KLHL4: variants seen among roughly 807,000 people sequenced by gnomAD.
KLHL4 encodes kelch like family member 4.
KLHL4 carries 17 observed loss-of-function variants against 45.8 expected under a neutral mutation model. The observed-to-expected ratio is 0.37, with a 90% CI of 0.25 to 0.56. The LOEUF (loss-of-function observed/expected upper bound fraction) is 0.56. KLHL4 is among the 20% of genes least tolerant of loss of function. The pLI is 0.79. For synonymous variants in KLHL4, 224 were observed against 189.9 expected (o/e 1.18, Z -1.47); for missense variants, 544 against 544.9 (o/e 1.00, Z 0.02).
chrX:87,625,707 G>C lies in KLHL4; in HGVS notation c.1235G>C (p.Arg412Thr), dbSNP rs1475762486. 8.3e-7 allele frequency: 1 copy of C among 1,209,396 alleles called. No homozygotes were observed. The highest frequency in any genetic ancestry group is 1.1e-6 in the Non-Finnish European group (1 of 893,799). The change falls in exon 6 of 11, where the codon AGA (arginine) becomes ACA (threonine). Residue 412 changes from arginine (R) to threonine (T), a missense_variant. Physicochemically the swap from Arg to Thr is moderately conservative, Grantham distance 71. Transcript: ENST00000373119. The stretch of plus-strand genomic sequence containing the variant: ...ATGAAGTATCATCTTTTGCCTGAGA[G>C]AAGATCCATGATGCAAAGCCCTCGG... ...EAMKYHLLPE[R>T]RSMMQSPRTK... is the part of the protein sequence containing the mutation.
At chrX:87,659,793 G>GA (rs1438518533) in intron 9 of KLHL4, among the ~76,000 whole-genome samples, 2 of 110,589 alleles carry the variant, frequency 1.8e-5, no homozygotes, top group East Asian at 5.7e-4. Context: ...CTGGGTTTTT[G>GA]AAAAAACATA....
chrX:87,596,606 AT>A (rs1921846606), intron 1 of KLHL4, among the ~76,000 whole-genome samples: 1 of 112,213 alleles, frequency 8.9e-6, no homozygotes, highest in Non-Finnish European at 1.9e-5. Context: ...TAGGAATTAA[AT>A]TGTACAAGAG....
chrX:87,530,241 T>C (rs895951502), intron 1 of KLHL4, among the ~76,000 whole-genome samples: 2 of 110,539 alleles, frequency 1.8e-5, no homozygotes, highest in African/African-American at 6.6e-5. Context: ...TCTTCTAGGG[T>C]TTTTATGGTT....
chrX:87,668,460 C>CG lies in KLHL4; in HGVS notation c.*1930dup. 1.3e-6 allele frequency: 1 copy of CG among 753,011 alleles called. No homozygotes were observed. The highest frequency in any genetic ancestry group is 1.6e-6 in the Non-Finnish European group (1 of 638,207). The allele number at this position is 753,011 out of a possible 1,213,427, so 62.1% of individuals were successfully genotyped here. A position where few individuals can be genotyped will look rare whatever the true frequency, so the allele number is the denominator to read the frequency against. On this transcript the variant is annotated 3_prime_UTR_variant, in exon 11 of 11. Transcript: ENST00000373119. ...TCATAGAAGAGACATGTATGTTTCC[C>CG]GGGGCTACCCCTTCATAGCTGCATT... is the stretch of plus-strand genomic sequence containing the variant.
chrX:87,556,430 C>A (rs1463222631), intron 1 of KLHL4, among the ~76,000 whole-genome samples: 16 of 107,979 alleles, frequency 1.5e-4, no homozygotes, highest in African/African-American at 5.1e-4. Context: ...GAACAAAAAA[C>A]CAAACACTGC....
chrX:87,563,101 T>C (rs759947977), intron 1 of KLHL4, among the ~76,000 whole-genome samples: 21 of 111,210 alleles, frequency 1.9e-4, no homozygotes, highest in Non-Finnish European at 3.2e-4. Flanking sequence ...GATCAAAGTC[T>C]TAGATTACAA....
At chrX:87,663,352 T>C (rs980406422) in intron 9 of KLHL4, among the ~76,000 whole-genome samples, 2 of 112,269 alleles carry the variant, frequency 1.8e-5, no homozygotes, top group Non-Finnish European at 3.8e-5. Context: ...ATGCGGTGAC[T>C]ACTTTTGTCT....
At chrX:87,568,534 C>CATAAAGCTACAGTAATCAAAA (rs1932269343) in intron 1 of KLHL4, among the ~76,000 whole-genome samples, 2 of 108,857 alleles carry the variant, frequency 1.8e-5, no homozygotes, top group African/African-American at 6.7e-5. Context: ...CAAATCTTAG[C>CATAAAGCTACAGTAATCAAAA]ATAAAGCTAC....
At chrX:87,535,550 G>T (rs1487503347) in intron 1 of KLHL4, among the ~76,000 whole-genome samples, 1 of 111,455 alleles carries the variant, frequency 9.0e-6, no homozygotes, top group Non-Finnish European at 1.9e-5. Context: ...CAACTCAGGA[G>T]CAACTATTAT....
At chrX:87,603,476 T>A (rs1433429497) in intron 1 of KLHL4, among the ~76,000 whole-genome samples, 1 of 111,007 alleles carries the variant, frequency 9.0e-6, no homozygotes, top group Non-Finnish European at 1.9e-5. Context: ...ATTAGGAGAA[T>A]GGGGGATTTA....
At chrX:87,655,454 C>T (rs1390538165) in intron 9 of KLHL4, among the ~76,000 whole-genome samples, 4 of 111,818 alleles carry the variant, frequency 3.6e-5, no homozygotes, top group Non-Finnish European at 7.5e-5. Flanking sequence ...TACTTGTCTT[C>T]TTAAACTGTT....
chrX:87,608,289 T>C (rs1401502205), intron 1 of KLHL4, among the ~76,000 whole-genome samples: 1 of 111,652 alleles, frequency 9.0e-6, no homozygotes, highest in Admixed American at 9.6e-5. Flanking sequence ...CCAGGAGATT[T>C]TAAAGACTTA....
chrX:87,530,690 T>G (rs141651746), intron 1 of KLHL4, among the ~76,000 whole-genome samples: 25,110 of 103,306 alleles, frequency 0.24, 2,988 homozygotes, highest in East Asian at 0.51. Flanking sequence ...TTTGGGTTGG[T>G]TCCAAGTCTT....
intron 9 of KLHL4, among the ~76,000 whole-genome samples, chrX:87,646,646 A>T (rs749440268): frequency 8.9e-6 from 1 of 111,919 alleles, no homozygotes; most frequent in Non-Finnish European, 1.9e-5. Context: ...AAGTGGGGAA[A>T]GGACACTGTA....
At chrX:87,583,342 G>A (rs1921350349) in intron 1 of KLHL4, among the ~76,000 whole-genome samples, 1 of 112,294 alleles carries the variant, frequency 8.9e-6, no homozygotes, top group Non-Finnish European at 1.9e-5. Context: ...AGCCATGGGA[G>A]TGCTAGCATC....
At chrX:87,604,714 C>T (rs950036626) in intron 1 of KLHL4, among the ~76,000 whole-genome samples, 1 of 110,942 alleles carries the variant, frequency 9.0e-6, no homozygotes, top group Non-Finnish European at 1.9e-5. Flanking sequence ...ACAATTTGAA[C>T]ATTATCTTTT....
intron 1 of KLHL4, among the ~76,000 whole-genome samples, chrX:87,610,532 G>C (rs1395453171): frequency 9.0e-6 from 1 of 111,174 alleles, no homozygotes; most frequent in East Asian, 2.8e-4. Context: ...TTCTTAATTT[G>C]ACATAGACAA....
chrX:87,522,961 G>T (rs941971795), intron 1 of KLHL4, among the ~76,000 whole-genome samples: 15 of 110,439 alleles, frequency 1.4e-4, no homozygotes, highest in Middle Eastern at 4.7e-3. Context: ...CAAAATTTGG[G>T]GACTCTCATT....
intron 1 of KLHL4, among the ~76,000 whole-genome samples, chrX:87,610,319 T>C (rs1291069724): frequency 8.9e-6 from 1 of 112,198 alleles, no homozygotes; most frequent in African/African-American, 3.2e-5. Flanking sequence ...CACTAAGAAA[T>C]CAATAAGTAG....
Sources: allele counts gnomAD v4.1 joint callset (sites outside exome capture counted in the v4.1 genomes callset), GRCh38; gene constraint gnomAD v4.1.1; transcripts MANE v1.5; gene names NCBI Gene and HGNC (gene_info 2026-07-23, HGNC 2026-07-21).